Variants in PRELP observed in about 807,000 individuals in gnomAD.
PRELP encodes prolargin.
In PRELP, 16 loss-of-function variants were observed where a neutral mutation model predicts 22.8. The observed-to-expected ratio is 0.70, with a 90% confidence interval of 0.47 to 1.06. PRELP has a LOEUF of 1.06. Among genes scored for constraint, PRELP ranks in the 50% least tolerant of loss-of-function variants. The pLI, the probability that PRELP is intolerant of heterozygous loss-of-function variation, is 0.00. For missense variants in PRELP, 434 were observed against 485.2 expected, an observed-to-expected ratio of 0.89 and a Z score of 0.99; for synonymous variants, 233 against 211.4, an observed-to-expected ratio of 1.10 and a Z score of -0.89.
At chr1:203,484,348 C>T (rs764464483) in intron 2 of PRELP, among the ~76,000 whole-genome samples, 191 bp downstream of exon 2, 15 of 152,350 alleles carry the variant, frequency 9.8e-5, no homozygotes, top group Non-Finnish European at 2.1e-4. Flanking sequence ...TGGGAAGTTT[C>T]CTCATCTGTA....
rs574762927 is a variant in PRELP at position 203,478,057 on chromosome 1, A to G, written c.-17+2119A>G. ...CTCTAGCCAGGCTGGAGGGAAGGAG[A>G]CCCCATTACTTTGAAATAATATCAA... On this transcript the variant is annotated intron_variant, in intron 1 of 2. Transcript: ENST00000343110. 2.0e-5 allele frequency among the ~76,000 whole-genome samples: 3 copies of G among 152,184 alleles called. No homozygotes were observed. In the South Asian group the frequency reaches 6.2e-4, roughly 32 times the overall value.
Position 203,483,191 on chromosome 1 carries a change from T to C in PRELP, c.7T>C (p.Ser3Pro). ...CAGGTGCATCACCTGGATCATGAGG[T>C]CACCCCTCTGCTGGCTCCTCCCACT... MRSPLCWLLPLLI... is the reference protein window; with the variant it reads MRPPLCWLLPLLI... The change falls in exon 2 of 3, where the codon TCA (serine) becomes CCA (proline). Residue 3 changes from serine to proline, a missense_variant. Transcript: ENST00000343110. This position sits in a 1 kb window ranked among gnomAD's most constrained non-coding sequence, Gnocchi z 4.4. The C allele has an allele frequency of 1.3e-6, 2 of 1,539,042 alleles. No individual in the cohort carries two copies. Among genetic ancestry groups the C allele is most frequent in the Non-Finnish European group, 1.7e-6 (2 of 1,146,348 alleles).
At position 203,486,715 on chromosome 1, in the gene PRELP, G is replaced by C; in HGVS notation, c.983G>C (p.Gly328Ala). The change falls in exon 3 of 3, where the codon GGA (glycine) becomes GCA (alanine). Residue 328 changes from glycine (G) to alanine (A), a missense_variant. Transcript: ENST00000343110. ...LNNNSIEKIN[G>A]TQICPNDLVA... ...TCTTCTTTTTCCGTAGAAATCAACG[G>C]AACCCAGATTTGCCCCAACGACCTA... The C allele has an allele frequency of 6.2e-7, 1 of 1,609,614 alleles. No individual in the cohort carries two copies. Among genetic ancestry groups the C allele is most frequent in the Non-Finnish European group, 8.5e-7 (1 of 1,176,362 alleles).
Position 203,490,174 on chromosome 1 carries a change from A to G in PRELP, c.*3293A>G, listed in dbSNP as rs1571591338. 1 of 151,884 alleles carries G rather than the reference A, an allele frequency of 6.6e-6. No homozygotes were observed. Among genetic ancestry groups the G allele is most frequent in the South Asian group, 2.1e-4 (1 of 4,790 alleles). 9.4% of individuals were successfully genotyped at this position (151,884 alleles called of 1,614,324 possible). A position where few individuals can be genotyped will look rare whatever the true frequency, so the allele number is the denominator to read the frequency against. On this transcript the variant is annotated 3_prime_UTR_variant, in exon 3 of 3. Coordinates refer to ENST00000343110, the MANE Select transcript of PRELP (RefSeq NM_002725.4). ...GAGGCAGGGTCTCATTATGTTGCCCAGGCTGGTCTGGAACTCCTGGCCTCA... is the reference window on the plus strand; with the variant it reads ...GAGGCAGGGTCTCATTATGTTGCCCGGGCTGGTCTGGAACTCCTGGCCTCA...
In PRELP at chr1:203,487,176, T is replaced by G; in HGVS notation, c.*295T>G. On this transcript the variant is annotated 3_prime_UTR_variant, in exon 3 of 3. Transcript: ENST00000343110. ...ATGTGTCTAAAGACTTGGTGTCCCC[T>G]TCTCTCTCCTCCCCCACCCGCCACT... 6.8e-6 allele frequency: 2 copies of G among 294,760 alleles called. No individual in the cohort carries two copies. Among genetic ancestry groups the G allele is most frequent in the Non-Finnish European group, 6.4e-6 (1 of 157,122 alleles). The allele number at this position is 294,760 out of a possible 1,614,324, so 18.3% of individuals were successfully genotyped here. A position where few individuals can be genotyped will look rare whatever the true frequency, so the allele number is the denominator to read the frequency against.
intron 1 of PRELP, among the ~76,000 whole-genome samples, chr1:203,477,269 G>A (rs150140146): frequency 4.7e-4 from 71 of 152,312 alleles, no homozygotes; most frequent in African/African-American, 1.6e-3. Context: ...GCCTGAGAGA[G>A]AGCTTTGCTG....
In PRELP at chr1:203,487,191, C is replaced by CA. The variant is rs922511551; in HGVS notation, c.*311dup. The CA allele has an allele frequency of 1.5e-5, 4 of 264,206 alleles. No homozygotes were observed. Among genetic ancestry groups the CA allele is most frequent in the African/African-American group, 8.8e-5 (4 of 45,344 alleles). 16.4% of individuals were successfully genotyped at this position (264,206 alleles called of 1,614,324 possible). A position where few individuals can be genotyped will look rare whatever the true frequency, so the allele number is the denominator to read the frequency against. ...TGGTGTCCCCTTCTCTCTCCTCCCC[C>CA]ACCCGCCACTCCTGGGTACATCTGG... On this transcript the variant is annotated 3_prime_UTR_variant, in exon 3 of 3. Coordinates refer to ENST00000343110, the MANE Select transcript of PRELP (RefSeq NM_002725.4).
intron 2 of PRELP, among the ~76,000 whole-genome samples, 190 bp from the exon 3 acceptor site, chr1:203,486,512 CTTAA>C (rs1206751150): frequency 6.6e-6 from 1 of 152,208 alleles, no homozygotes; most frequent in African/African-American, 2.4e-5. Context: ...TCAATTCCAA[CTTAA>C]TTCATTTTAC....
At chr1:203,482,212 G>A (rs182049466) in intron 1 of PRELP, among the ~76,000 whole-genome samples, 12 of 152,036 alleles carry the variant, frequency 7.9e-5, no homozygotes, top group Admixed American at 7.9e-4. Flanking sequence ...CTGAGGGCCA[G>A]AGTGGTTAAG....
rs769853011 is a variant in PRELP, at chr1:203,486,870, G to A, written c.1138G>A (p.Val380Met). ...GATGTGCTTCCGCCTCCTGCAGTCC[G>A]TGGTCATCTAGGCCCTACTCCGCCA... is the stretch of plus-strand genomic sequence containing the variant. The part of the protein sequence containing the change: ...LMMCFRLLQS[V>M]VI Residue 380 changes from valine to methionine, a missense_variant, in exon 3 of 3, where the codon GTG becomes ATG. Physicochemically the swap from Val to Met is conservative, Grantham distance 21. Transcript: ENST00000343110. 1 of 1,613,450 alleles carries A rather than the reference G, an allele frequency of 6.2e-7. No individual in the cohort carries two copies. Among genetic ancestry groups the A allele is most frequent in the Non-Finnish European group, 8.5e-7 (1 of 1,179,662 alleles).
chr1:203,486,805 A>G lies in PRELP; in HGVS notation c.1073A>G (p.Asp358Gly), dbSNP rs1661100147. 1 of 1,614,144 alleles carries G rather than the reference A, an allele frequency of 6.2e-7. No individual in the cohort carries two copies. The highest frequency in any genetic ancestry group is 1.1e-5 in the South Asian group (1 of 91,078). Residue 358 changes from aspartate (D) to glycine (G), a missense_variant, in exon 3 of 3, where the codon GAT (aspartate) becomes GGT (glycine). Transcript: ENST00000343110. ...CCACACCTGCGCTACCTGCGGCTGGATGGAAACTACTTGAAGCCGCCCATC... is the reference window on the plus strand; with the variant it reads ...CCACACCTGCGCTACCTGCGGCTGGGTGGAAACTACTTGAAGCCGCCCATC... ...NVPHLRYLRLDGNYLKPPIPL... is the reference protein window; with the variant it reads ...NVPHLRYLRLGGNYLKPPIPL...
chr1:203,484,379 T>C (rs1045534936), intron 2 of PRELP, among the ~76,000 whole-genome samples: 2 of 152,250 alleles, frequency 1.3e-5, no homozygotes, highest in East Asian at 1.9e-4. Context: ...GGTAACAATA[T>C]CTTCTATCAC....
chr1:203,485,198 A>T (rs1661073406), intron 2 of PRELP, among the ~76,000 whole-genome samples: 1 of 151,956 alleles, frequency 6.6e-6, no homozygotes, highest in African/African-American at 2.4e-5. Flanking sequence ...GGAAGACTGT[A>T]TAATTTTACC....
At position 203,487,893 on chromosome 1, in the gene PRELP, G is replaced by C. The variant is rs1558233708; in HGVS notation, c.*1012G>C. 1 of 152,364 alleles carries C rather than the reference G, an allele frequency of 6.6e-6. No homozygotes were observed. Among genetic ancestry groups the C allele is most frequent in the East Asian group, 1.9e-4 (1 of 5,174 alleles). The allele number at this position is 152,364 out of a possible 1,614,324, so 9.4% of individuals were successfully genotyped here. A position where few individuals can be genotyped will look rare whatever the true frequency, so the allele number is the denominator to read the frequency against. ...GGACGTCTCCCAGAAGCCCCTCCAC[G>C]TTTGAAAATGCGCCTCCTCCTCGGA... On this transcript the variant is annotated 3_prime_UTR_variant, in exon 3 of 3. Coordinates refer to ENST00000343110, the MANE Select transcript of PRELP (RefSeq NM_002725.4).
At position 203,480,203 on chromosome 1, in the gene PRELP, A is replaced by G. The variant is rs1660976782; in HGVS notation, c.-16-2966A>G. 2.0e-5 allele frequency among the ~76,000 whole-genome samples: 3 copies of G among 152,260 alleles called. No homozygotes were observed. The South Asian group carries it at 6.2e-4, about 32-fold the overall frequency. On this transcript the variant is annotated intron_variant, in intron 1 of 2. Transcript: ENST00000343110. ...TCTTCCGTGAAGCAGCAGCTTTTCC[A>G]GAACTGATGGTGGAGAGCAGAACTG...
chr1:203,483,132 C>A lies in PRELP; in HGVS notation c.-16-37C>A. ...AAACATGACAACTAGTTACTGAGGGCCCAAGGATAATGACCTTATGTGTCT... is the reference window on the plus strand; with the variant it reads ...AAACATGACAACTAGTTACTGAGGGACCAAGGATAATGACCTTATGTGTCT... On this transcript the variant is annotated intron_variant, in intron 1 of 2. Coordinates refer to ENST00000343110, the MANE Select transcript of PRELP (RefSeq NM_002725.4). The surrounding 1 kb of genome is among the most constrained non-coding windows in gnomAD (Gnocchi z 4.4). 1 of 1,461,368 alleles carries A rather than the reference C, an allele frequency of 6.8e-7. No individual in the cohort carries two copies. Among genetic ancestry groups the A allele is most frequent in the Non-Finnish European group, 9.2e-7 (1 of 1,084,236 alleles). 90.5% of individuals were successfully genotyped at this position (1,461,368 alleles called of 1,614,324 possible).
intron 1 of PRELP, among the ~76,000 whole-genome samples, chr1:203,480,976 T>C (rs1660989307): frequency 6.6e-6 from 1 of 151,840 alleles, no homozygotes; most frequent in Admixed American, 6.6e-5. Flanking sequence ...CCCCTGACAA[T>C]GAAGACCAGG....
rs1558232164 is a variant in PRELP at position 203,483,724 on chromosome 1, G to C, written c.540G>C (p.Gln180His). 1 of 1,614,214 alleles carries C rather than the reference G, an allele frequency of 6.2e-7. No homozygotes were observed. ...ACCTGGAGCAGCTGAGGCTGAGCCA[G>C]AACCACATCTCCAGAATCCCGCCTG... ...PRNLEQLRLS[Q>H]NHISRIPPGV... The change falls in exon 2 of 3, where the codon CAG becomes CAC. Residue 180 changes from glutamine (Q) to histidine (H), a missense_variant. Gln to His is a conservative substitution (Grantham distance 24). Coordinates refer to ENST00000343110, the MANE Select transcript of PRELP (RefSeq NM_002725.4). This position sits in a 1 kb window ranked among gnomAD's most constrained non-coding sequence, Gnocchi z 4.4.
intron 1 of PRELP, 40 bp downstream of exon 1, chr1:203,475,978 T>C (rs1660906549): frequency 6.6e-6 from 1 of 152,588 alleles, no homozygotes; most frequent in Admixed American, 6.5e-5. Context: ...CTGGGAAGAA[T>C]CTTTCATCCA....
Sources: allele counts gnomAD v4.1 joint callset (sites outside exome capture counted in the v4.1 genomes callset), GRCh38; gene constraint gnomAD v4.1.1; non-coding constraint Gnocchi (gnomAD v3.1); transcripts MANE v1.5; gene names NCBI Gene and HGNC (gene_info 2026-07-23, HGNC 2026-07-21).